Variants in CSMD1 observed in about 807,000 individuals in gnomAD.
The protein encoded by CSMD1 is CUB and Sushi multiple domains 1.
Under a neutral mutation model 417.5 loss-of-function variants are expected in CSMD1, and 213 were observed. The ratio of observed to expected loss-of-function variants is 0.51; its 90% CI spans 0.46 to 0.57. The LOEUF is 0.57. Ranked by LOEUF, CSMD1 falls within the 20% of genes least tolerant of loss-of-function variation. The probability of loss-of-function intolerance (pLI) is 0.00; values close to 1 mark genes in which losing one functional copy is unlikely to be tolerated. For synonymous variants in CSMD1, 2,862 were observed against 1,736.8 expected, an observed-to-expected ratio of 1.65 and a Z score of -16.11; for missense variants, 6,923 against 4,529.7, an observed-to-expected ratio of 1.53 and a Z score of -15.17.
At chr8:3,049,395 C>T (rs1213074095) in intron 50 of CSMD1, among the ~76,000 whole-genome samples, 1 of 152,016 alleles carries the variant, frequency 6.6e-6, no homozygotes, top group East Asian at 1.9e-4. Flanking sequence ...GAATATTGTT[C>T]AGTACTAAAA....
intron 1 of CSMD1, among the ~76,000 whole-genome samples, chr8:4,722,515 T>C (rs1809124443): frequency 6.6e-6 from 1 of 152,062 alleles, no homozygotes; most frequent in Non-Finnish European, 1.5e-5. Context: ...GGATTGCTGA[T>C]TCTTCAGGAG....
rs979436242 is a variant in CSMD1 at position 4,336,875 on chromosome 8, A to G, written c.415+83078T>C. On this transcript the variant is annotated intron_variant, in intron 3 of 69. Transcript: ENST00000635120. ...TATTTCCAATAATCAATTCTGTTAA[A>G]AACATACGGGAATGGGATTGCCTAA... 5.3e-5 allele frequency among the ~76,000 whole-genome samples: 8 copies of G among 152,202 alleles called. No individual in the cohort carries two copies. The South Asian group carries it at 1.7e-3, about 32-fold the overall frequency.
intron 23 of CSMD1, among the ~76,000 whole-genome samples, chr8:3,323,596 A>T (rs1429252715): frequency 2.0e-5 from 3 of 152,226 alleles, no homozygotes; most frequent in Non-Finnish European, 4.4e-5. Context: ...TTTTAAAAAA[A>T]TTTTATAGCA....
intron 12 of CSMD1, among the ~76,000 whole-genome samples, chr8:3,463,414 A>T (rs1816630167): frequency 6.6e-6 from 1 of 152,172 alleles, no homozygotes; most frequent in African/African-American, 2.4e-5. Flanking sequence ...CACATTATAA[A>T]CGCTTTGTGA....
intron 5 of CSMD1, among the ~76,000 whole-genome samples, chr8:3,903,381 T>C (rs540985191): frequency 3.5e-4 from 54 of 152,254 alleles, no homozygotes; most frequent in African/African-American, 1.3e-3. Context: ...AATTGCACTA[T>C]GTCATTATCA....
At chr8:4,112,529 A>G (rs1003224053) in intron 3 of CSMD1, among the ~76,000 whole-genome samples, 1 of 152,132 alleles carries the variant, frequency 6.6e-6, no homozygotes, top group Non-Finnish European at 1.5e-5. Flanking sequence ...AAGACATCCC[A>G]AACTGGACAC....
At chr8:3,099,043 T>C (rs1039423584) in intron 46 of CSMD1, among the ~76,000 whole-genome samples, 1 of 151,962 alleles carries the variant, frequency 6.6e-6, no homozygotes, top group Non-Finnish European at 1.5e-5. Context: ...AACCCCTCTG[T>C]ACTGCCCACC....
chr8:3,321,226 T>C (rs941737226), intron 23 of CSMD1, among the ~76,000 whole-genome samples: 3 of 152,108 alleles, frequency 2.0e-5, no homozygotes, highest in Non-Finnish European at 4.4e-5. Context: ...ATTGCTGTTG[T>C]TGCTGACTAA....
Position 3,304,593 on chromosome 8 carries a change from TTAAATTTAATAGATGTATTTA to T in CSMD1, c.3950+3081_3950+3101del, listed in dbSNP as rs552444731. 5.2e-3 allele frequency among the ~76,000 whole-genome samples: 791 copies of T among 152,306 alleles called. 6 individuals carry two copies. Among genetic ancestry groups the T allele is most frequent in the African/African-American group, 0.018 (730 of 41,586 alleles). On this transcript the variant is annotated intron_variant, in intron 25 of 69. Coordinates refer to ENST00000635120, the MANE Select transcript of CSMD1 (RefSeq NM_033225.6). ...TGCTTATTGGGAAGAAGTTTATGCTTTAAATTTAATAGATGTATTTATAAATTTGATAGTGTGTACCTCATA... is the reference window on the plus strand; with the variant it reads ...TGCTTATTGGGAAGAAGTTTATGCTTTAAATTTGATAGTGTGTACCTCATA...
chr8:4,197,350 G>A (rs1021153248), intron 3 of CSMD1, among the ~76,000 whole-genome samples: 1 of 152,176 alleles, frequency 6.6e-6, no homozygotes, highest in Non-Finnish European at 1.5e-5. Context: ...CAGATATTTG[G>A]TCAGACATTA....
intron 11 of CSMD1, among the ~76,000 whole-genome samples, chr8:3,479,906 T>C (rs1452293611): frequency 6.6e-6 from 1 of 151,730 alleles, no homozygotes; most frequent in Non-Finnish European, 1.5e-5. Context: ...GTTATAAAAA[T>C]GAACTAAAAG....
intron 33 of CSMD1, among the ~76,000 whole-genome samples, chr8:3,198,165 T>C (rs971589053): frequency 6.6e-6 from 1 of 152,196 alleles, no homozygotes; most frequent in African/African-American, 2.4e-5. Flanking sequence ...AGGACAACAT[T>C]TGCATATAAG....
In CSMD1 at chr8:3,860,952, A is replaced by G; in HGVS notation, c.819-106910T>C. 1.3e-5 allele frequency among the ~76,000 whole-genome samples: 2 copies of G among 152,368 alleles called. 1 individual carries two copies. Among genetic ancestry groups the G allele is most frequent in the Middle Eastern group, 6.8e-3 (2 of 294 alleles). On this transcript the variant is annotated intron_variant, in intron 5 of 69. Transcript: ENST00000635120. ...TTAAAATATATTTTCTAGTTGATAT[A>G]CTTCATGCAAAATGAAATGACAAAT...
chr8:4,506,380 C>G (rs1393055256), intron 2 of CSMD1, among the ~76,000 whole-genome samples: 1 of 150,864 alleles, frequency 6.6e-6, no homozygotes, highest in Non-Finnish European at 1.5e-5. Flanking sequence ...GAGCCCAAGT[C>G]TAGTGCAAAG....
rs577881311 is a variant in CSMD1, at chr8:4,081,820, C to T, written c.416-49721G>A. Among the ~76,000 whole-genome samples the T allele has an allele frequency of 1.1e-4, 17 of 150,454 alleles. No individual in the cohort carries two copies. In the East Asian group the frequency reaches 3.3e-3, roughly 29 times the overall value. ...ACACAATGGATCAAATAAATTGTTA[C>T]AAATAAAGTTAAAAAAAGTTGAAAC... On this transcript the variant is annotated intron_variant, in intron 3 of 69. Coordinates refer to ENST00000635120, the MANE Select transcript of CSMD1 (RefSeq NM_033225.6).
chr8:4,643,766 C>T (rs1292094574), intron 1 of CSMD1, among the ~76,000 whole-genome samples: 1 of 152,126 alleles, frequency 6.6e-6, no homozygotes, highest in African/African-American at 2.4e-5. Flanking sequence ...GGGGTTATTC[C>T]AGGGTCTGCA....
At chr8:4,976,263 G>C (rs188964474) in intron 1 of CSMD1, among the ~76,000 whole-genome samples, 1 of 152,240 alleles carries the variant, frequency 6.6e-6, no homozygotes, top group East Asian at 1.9e-4. Context: ...CAATACACCT[G>C]CGTAACAAGT....
At chr8:3,578,357 T>G (rs7005085) in intron 9 of CSMD1, among the ~76,000 whole-genome samples, 6,635 of 152,114 alleles carry the variant, frequency 0.044, 456 homozygotes, top group African/African-American at 0.15. Flanking sequence ...TAGGGATGCC[T>G]GCTGTCCTCC....
intron 3 of CSMD1, among the ~76,000 whole-genome samples, chr8:4,378,717 T>C (rs1247771879): frequency 6.6e-6 from 1 of 152,188 alleles, no homozygotes; most frequent in Non-Finnish European, 1.5e-5. Context: ...AGTGTGGTGG[T>C]CTTAGAAGGT....
Sources: allele counts gnomAD v4.1 joint callset (sites outside exome capture counted in the v4.1 genomes callset), GRCh38; gene constraint gnomAD v4.1.1; transcripts MANE v1.5; gene names NCBI Gene and HGNC (gene_info 2026-07-23, HGNC 2026-07-21).